FAM135A: variants seen among roughly 807,000 people sequenced by gnomAD.
The protein encoded by FAM135A is protein FAM135A.
Under a neutral mutation model 146.8 loss-of-function variants are expected in FAM135A, and 79 were observed. The ratio of observed to expected loss-of-function variants is 0.54; its 90% CI spans 0.45 to 0.65. The LOEUF is 0.65. Ranked by LOEUF, FAM135A falls within the 30% of genes least tolerant of loss-of-function variation. FAM135A has a pLI of 0.00. For missense variants in FAM135A, 1,623 were observed against 1,758.2 expected (o/e 0.92, Z 1.38); for synonymous variants, 562 against 603.6 (o/e 0.93, Z 1.01).
chr6:70,498,371 CTTT>C (rs1308806868), intron 11 of FAM135A, among the ~76,000 whole-genome samples: 1 of 151,670 alleles, frequency 6.6e-6, no homozygotes, highest in Non-Finnish European at 1.5e-5. Flanking sequence ...CTCTTTTCTT[CTTT>C]ATTAGTCTCG....
intron 4 of FAM135A, among the ~76,000 whole-genome samples, chr6:70,451,493 A>G (rs902858797): frequency 9.9e-5 from 15 of 152,068 alleles, no homozygotes; most frequent in Non-Finnish European, 2.1e-4. Flanking sequence ...AGCAGTCCTC[A>G]TCTTAATCTT....
At chr6:70,451,955 AAT>A (rs966916635) in intron 4 of FAM135A, among the ~76,000 whole-genome samples, 1 of 151,966 alleles carries the variant, frequency 6.6e-6, no homozygotes, top group African/African-American at 2.4e-5. Context: ...TGGATTTTTA[AAT>A]ATATGTATGC....
At chr6:70,427,168 A>G (rs2127761512) in intron 3 of FAM135A, among the ~76,000 whole-genome samples, 1 of 152,286 alleles carries the variant, frequency 6.6e-6, no homozygotes, top group South Asian at 2.1e-4. Context: ...AAATAGTGAA[A>G]AAATGGAAAC....
intron 5 of FAM135A, among the ~76,000 whole-genome samples, chr6:70,473,729 A>T (rs1007403466): frequency 6.6e-6 from 1 of 152,128 alleles, no homozygotes; most frequent in Non-Finnish European, 1.5e-5. Context: ...ACTTGACCTC[A>T]GTAAGGCCTT....
At chr6:70,457,468 G>A (rs1042895348) in intron 5 of FAM135A, among the ~76,000 whole-genome samples, 2 of 152,120 alleles carry the variant, frequency 1.3e-5, no homozygotes, top group South Asian at 2.1e-4. Flanking sequence ...TACAAGAAAC[G>A]TCTTCCATCT....
chr6:70,441,479 C>G (rs1287289817), intron 4 of FAM135A, among the ~76,000 whole-genome samples: 1 of 152,094 alleles, frequency 6.6e-6, no homozygotes, highest in Non-Finnish European at 1.5e-5. Context: ...ACAGGACAGT[C>G]TAAGCAGTGT....
rs892281814 is a variant in FAM135A, at chr6:70,550,462, C to T, written c.4229-6288C>T. Among the ~76,000 whole-genome samples the T allele has an allele frequency of 2.0e-5, 3 of 152,194 alleles. 1 individual carries two copies. The highest frequency in any genetic ancestry group is 4.1e-4 in the South Asian group (2 of 4,828). ...AAACATCATTAATCTCCTTGTATATCTCCATGAGAGGTCTTGGTTGAGTAG... is the reference window on the plus strand; with the variant it reads ...AAACATCATTAATCTCCTTGTATATTTCCATGAGAGGTCTTGGTTGAGTAG... On this transcript the variant is annotated intron_variant, in intron 20 of 21. Transcript: ENST00000418814.
At chr6:70,501,962 C>T (rs561872423) in intron 11 of FAM135A, among the ~76,000 whole-genome samples, 2 of 152,298 alleles carry the variant, frequency 1.3e-5, no homozygotes, top group South Asian at 4.1e-4. Flanking sequence ...TGTTTACCTG[C>T]TTTTCTCCCC....
intron 3 of FAM135A, among the ~76,000 whole-genome samples, chr6:70,427,693 A>G (rs946723170): frequency 1.1e-4 from 17 of 152,204 alleles, no homozygotes; most frequent in Non-Finnish European, 1.8e-4. Context: ...GTACCAAAGT[A>G]TGTATTTCAG....
In FAM135A at chr6:70,452,552, T is replaced by C; in HGVS notation, c.138T>C (p.Ala46=). The change falls in exon 5 of 22, where the codon GCT becomes GCC. Residue 46 remains alanine (A), a synonymous_variant. Coordinates refer to ENST00000418814, the MANE Select transcript of FAM135A (RefSeq NM_001162529.3). ...IPSRIPHRVE[A]SLLHATGMTL... ...CAAGAATTCCCCACAGAGTAGAAGCTAGTTTGTTGCATGCAACAGGTAAGC... is the reference window on the plus strand; with the variant it reads ...CAAGAATTCCCCACAGAGTAGAAGCCAGTTTGTTGCATGCAACAGGTAAGC... 4 of 1,591,888 alleles carry C rather than the reference T, an allele frequency of 2.5e-6. No individual in the cohort carries two copies. The highest frequency in any genetic ancestry group is 3.4e-6 in the Non-Finnish European group (4 of 1,173,648).
chr6:70,446,053 C>G (rs1413191536), intron 4 of FAM135A, among the ~76,000 whole-genome samples: 1 of 152,244 alleles, frequency 6.6e-6, no homozygotes, highest in Non-Finnish European at 1.5e-5. Flanking sequence ...TAATGGGTTA[C>G]TAGCTGCTAA....
At chr6:70,471,267 T>C (rs1781564255) in intron 5 of FAM135A, among the ~76,000 whole-genome samples, 1 of 152,122 alleles carries the variant, frequency 6.6e-6, no homozygotes, top group African/African-American at 2.4e-5. Flanking sequence ...GAGTGTATTA[T>C]AATGATGGAT....
At chr6:70,484,493 C>T (rs1784260773) in intron 10 of FAM135A, among the ~76,000 whole-genome samples, 1 of 151,986 alleles carries the variant, frequency 6.6e-6, no homozygotes, top group Non-Finnish European at 1.5e-5. Flanking sequence ...TAGCTTAGAC[C>T]AGCAGTCCCC....
At position 70,536,535 on chromosome 6, in the gene FAM135A, T is replaced by A. The variant is rs1796825472; in HGVS notation, c.4117+124T>A. On this transcript the variant is annotated intron_variant, in intron 19 of 21. Coordinates refer to ENST00000418814, the MANE Select transcript of FAM135A (RefSeq NM_001162529.3). ...ACTGGAAATTTCGTGAAATAAAAAA[T>A]GTAGCTAATTTTCTGTTTTGTTATG... The A allele has an allele frequency of 1.8e-5, 14 of 770,768 alleles. No homozygotes were observed. The South Asian group carries it at 5.0e-4, about 28-fold the overall frequency. 47.7% of individuals were successfully genotyped at this position (770,768 alleles called of 1,614,324 possible).
intron 19 of FAM135A, among the ~76,000 whole-genome samples, chr6:70,537,488 G>C (rs1352754218): frequency 6.6e-6 from 1 of 152,058 alleles, no homozygotes. Context: ...TTGAAAAAGA[G>C]GAAATGAGAA....
intron 20 of FAM135A, among the ~76,000 whole-genome samples, chr6:70,552,720 G>A (rs919247846): frequency 2.0e-5 from 3 of 151,804 alleles, no homozygotes; most frequent in Non-Finnish European, 4.4e-5. Flanking sequence ...CACCCAGCTC[G>A]GCCTCCCAAA....
chr6:70,533,527 T>C (rs1015474738), intron 17 of FAM135A, among the ~76,000 whole-genome samples: 7 of 152,200 alleles, frequency 4.6e-5, no homozygotes, highest in African/African-American at 1.4e-4. Flanking sequence ...GGTAGTGAGC[T>C]AAACAAACAA....
At chr6:70,450,713 G>GT (rs1192559967) in intron 4 of FAM135A, among the ~76,000 whole-genome samples, 23 of 29,842 alleles carry the variant, frequency 7.7e-4, no homozygotes, top group Non-Finnish European at 1.8e-3. Context: ...GACCCTTTTA[G>GT]TTGTTTTTTT....
At chr6:70,495,828 C>T (rs906775939) in intron 11 of FAM135A, among the ~76,000 whole-genome samples, 10 of 152,022 alleles carry the variant, frequency 6.6e-5, no homozygotes, top group Admixed American at 3.3e-4. Context: ...TGATGTTCCC[C>T]GTCCTGTGTC....
Sources: allele counts gnomAD v4.1 joint callset (sites outside exome capture counted in the v4.1 genomes callset), GRCh38; gene constraint gnomAD v4.1.1; transcripts MANE v1.5; gene names NCBI Gene and HGNC (gene_info 2026-07-23, HGNC 2026-07-21).